GLI2: variants seen among roughly 807,000 people sequenced by gnomAD.
GLI2 encodes GLI family zinc finger 2.
A neutral mutation model predicts 78.9 loss-of-function variants in GLI2; 22 were observed. That is an observed-to-expected ratio of 0.28 (90% CI 0.20 to 0.40). The LOEUF is 0.40. GLI2 is among the 10% of genes least tolerant of loss of function. The pLI is 1.00. For missense variants in GLI2, 2,097 were observed against 2,213.2 expected (o/e 0.95, Z 1.05); for synonymous variants, 974 against 963.7 (o/e 1.01, Z -0.20).
chr2:120,764,763 G>C (rs1380055549), intron 1 of GLI2, among the ~76,000 whole-genome samples: 2 of 152,190 alleles, frequency 1.3e-5, no homozygotes, highest in African/African-American at 4.8e-5. Context: ...AAATCCTGAA[G>C]TAAAGAAACT....
At chr2:120,856,595 A>G (rs575807966) in intron 2 of GLI2, among the ~76,000 whole-genome samples, 16 of 152,170 alleles carry the variant, frequency 1.1e-4, no homozygotes, top group African/African-American at 3.9e-4. Context: ...GCCACTGTGT[A>G]AGGGAGCTGG....
intron 3 of GLI2, among the ~76,000 whole-genome samples, chr2:120,945,545 TGTGTGGGTCAAG>T (rs1024772957): frequency 1.3e-5 from 2 of 152,190 alleles, no homozygotes; most frequent in African/African-American, 4.8e-5. Flanking sequence ...AGTGGGAAGC[TGTGTGGGTCAAG>T]AAATGTCTTA....
chr2:120,830,238 C>T (rs957742910), intron 2 of GLI2, among the ~76,000 whole-genome samples: 10 of 152,180 alleles, frequency 6.6e-5, no homozygotes, highest in South Asian at 2.1e-4. Flanking sequence ...ATCACCGGGT[C>T]GTGTCTTGAG....
intron 2 of GLI2, among the ~76,000 whole-genome samples, chr2:120,902,605 A>G (rs949946641): frequency 5.9e-5 from 9 of 152,146 alleles, no homozygotes; most frequent in Non-Finnish European, 8.8e-5. Flanking sequence ...TGATGGCCAA[A>G]ATAAAAATTC....
At chr2:120,831,089 TTCTC>T (rs1558821707) in intron 2 of GLI2, among the ~76,000 whole-genome samples, 1 of 151,496 alleles carries the variant, frequency 6.6e-6, no homozygotes, top group African/African-American at 2.4e-5. Flanking sequence ...GTTTCTGTCA[TTCTC>T]TCTCTCTCTT....
chr2:120,865,143 A>G (rs1177443468), intron 2 of GLI2, among the ~76,000 whole-genome samples: 1 of 152,134 alleles, frequency 6.6e-6, no homozygotes, highest in African/African-American at 2.4e-5. Context: ...CCGAGCCAGG[A>G]GGGCTGACTA....
intron 3 of GLI2, among the ~76,000 whole-genome samples, chr2:120,937,542 T>C (rs1035188023): frequency 7.9e-5 from 12 of 152,090 alleles, no homozygotes; most frequent in African/African-American, 2.9e-4. Flanking sequence ...CAGAAAGCGC[T>C]TATCAGCGGG....
At position 120,992,488 on chromosome 2, in the gene GLI2, A is replaced by AT. The variant is rs1408272099; in HGVS notation, c.*1819dup. On this transcript the variant is annotated 3_prime_UTR_variant, in exon 14 of 14. Transcript: ENST00000361492. ...AGTCTTTTTGTACATTAAAAAAGTA[A>AT]TTTTTTCATAATTTATCTTGTCTAT... 6.6e-6 allele frequency: 1 copy of AT among 152,144 alleles called. No individual in the cohort carries two copies. Among genetic ancestry groups the AT allele is most frequent in the Non-Finnish European group, 1.5e-5 (1 of 68,022 alleles). The allele number at this position is 152,144 out of a possible 1,614,324, so 9.4% of individuals were successfully genotyped here.
chr2:120,736,504 G>A (rs1682358218), intron 1 of GLI2, among the ~76,000 whole-genome samples: 3 of 151,904 alleles, frequency 2.0e-5, no homozygotes. Flanking sequence ...GGGACGTAAG[G>A]AGAGTCCTGG....
At chr2:120,921,572 G>C (rs1256151313) in intron 2 of GLI2, among the ~76,000 whole-genome samples, 1 of 152,144 alleles carries the variant, frequency 6.6e-6, no homozygotes, top group Admixed American at 6.5e-5. Context: ...AATCCCTGTT[G>C]TACAAGGAGT....
At chr2:120,804,105 C>T (rs370867041) in intron 2 of GLI2, among the ~76,000 whole-genome samples, 47 of 152,214 alleles carry the variant, frequency 3.1e-4, no homozygotes, top group African/African-American at 1.0e-3. Flanking sequence ...TGCTTAGTGG[C>T]GAGGCATGCA....
At chr2:120,769,270 G>C (rs980009400) in intron 1 of GLI2, among the ~76,000 whole-genome samples, 11 of 152,218 alleles carry the variant, frequency 7.2e-5, no homozygotes, top group Non-Finnish European at 1.3e-4. Context: ...TCAGGAGAGG[G>C]CTAAAGCGCA....
At chr2:120,927,671 AC>A (rs1679754166) in intron 3 of GLI2, among the ~76,000 whole-genome samples, 2 of 151,672 alleles carry the variant, frequency 1.3e-5, no homozygotes, top group South Asian at 2.1e-4. Context: ...AACACCAACC[AC>A]CCCCGAGCCC....
intron 1 of GLI2, among the ~76,000 whole-genome samples, chr2:120,793,478 C>T (rs912089737): frequency 2.0e-5 from 3 of 152,198 alleles, no homozygotes; most frequent in Non-Finnish European, 4.4e-5. Flanking sequence ...GCTTGACGGG[C>T]CTGCCTCAGA....
chr2:120,947,103 G>A lies in GLI2; in HGVS notation c.255-4140G>A, dbSNP rs574846790. ...CCAGAGACAGAGAAGAAGCTGAAACGGTGGGGAGAAAGCTCTCCTGCCCTC... is the reference window on the plus strand; with the variant it reads ...CCAGAGACAGAGAAGAAGCTGAAACAGTGGGGAGAAAGCTCTCCTGCCCTC... On this transcript the variant is annotated intron_variant, in intron 3 of 13. Coordinates refer to ENST00000361492, the MANE Select transcript of GLI2 (RefSeq NM_001374353.1). Among the ~76,000 whole-genome samples, 115 of 152,314 alleles carry A rather than the reference G, an allele frequency of 7.6e-4. 2 individuals carry two copies. The Middle Eastern group carries it at 0.017, about 23-fold the overall frequency.
intron 1 of GLI2, among the ~76,000 whole-genome samples, chr2:120,781,499 A>G (rs1683846485): frequency 6.6e-6 from 1 of 152,264 alleles, no homozygotes; most frequent in Non-Finnish European, 1.5e-5. Flanking sequence ...GTCAGGAGTC[A>G]GGCTCGATTT....
chr2:120,819,239 A>ATTG (rs1685649392), intron 2 of GLI2, among the ~76,000 whole-genome samples: 1 of 116,750 alleles, frequency 8.6e-6, no homozygotes, highest in African/African-American at 3.4e-5. Flanking sequence ...ACTAATAGAG[A>ATTG]TTTTTTTTTT....
chr2:120,894,817 GC>G (rs780801401), intron 2 of GLI2, among the ~76,000 whole-genome samples: 16 of 152,102 alleles, frequency 1.1e-4, no homozygotes, highest in Non-Finnish European at 1.8e-4. Context: ...TCCTGCCTCA[GC>G]CTCCGGAGTA....
intron 5 of GLI2, among the ~76,000 whole-genome samples, chr2:120,958,024 G>C (rs978292826): frequency 2.0e-5 from 3 of 152,150 alleles, no homozygotes; most frequent in Admixed American, 6.5e-5. Flanking sequence ...AGGTGGACTT[G>C]AGCTCAGCCC....
Sources: allele counts gnomAD v4.1 joint callset (sites outside exome capture counted in the v4.1 genomes callset), GRCh38; gene constraint gnomAD v4.1.1; transcripts MANE v1.5; gene names NCBI Gene and HGNC (gene_info 2026-07-23, HGNC 2026-07-21).